PTPRB: variants seen among roughly 807,000 people sequenced by gnomAD.
PTPRB encodes protein tyrosine phosphatase receptor type B.
Under a neutral mutation model 238.1 loss-of-function variants are expected in PTPRB, and 97 were observed. The observed-to-expected ratio is 0.41, with a 90% CI of 0.35 to 0.48. PTPRB has a LOEUF of 0.48. Ranked by LOEUF, PTPRB falls within the 20% of genes least tolerant of loss-of-function variation. PTPRB has a pLI of 0.30. For synonymous variants in PTPRB, 970 were observed against 995.4 expected (o/e 0.97, Z 0.48); for missense variants, 2,292 against 2,681.9 (o/e 0.85, Z 3.21).
intron 15 of PTPRB, among the ~76,000 whole-genome samples, chr12:70,563,443 C>G (rs1314528772): frequency 6.6e-6 from 1 of 152,182 alleles, no homozygotes; most frequent in Non-Finnish European, 1.5e-5. Flanking sequence ...CCTGAGTTCT[C>G]TTTCCTCCAC....
intron 4 of PTPRB, among the ~76,000 whole-genome samples, chr12:70,597,966 C>A (rs1235986995): frequency 6.6e-6 from 1 of 152,126 alleles, no homozygotes; most frequent in Non-Finnish European, 1.5e-5. Context: ...ATTATATATG[C>A]CACATTTATA....
chr12:70,587,605 G>C (rs1422641931), intron 8 of PTPRB, among the ~76,000 whole-genome samples: 1 of 152,128 alleles, frequency 6.6e-6, no homozygotes, highest in Non-Finnish European at 1.5e-5. Flanking sequence ...TCCTGTTTAA[G>C]TATTTAGGTG....
At position 70,622,372 on chromosome 12, in the gene PTPRB, C is replaced by A. The variant is rs890674820; in HGVS notation, c.708+18G>T. ...TGAGACGTGCACAGACCACACTCCA[C>A]ACACCCCCTCCTTTTACCTCTTCAG... On this transcript the variant is annotated intron_variant, in intron 3 of 33. Transcript: ENST00000334414. 1 of 1,610,318 alleles carries A rather than the reference C, an allele frequency of 6.2e-7. No individual in the cohort carries two copies.
chr12:70,524,696 T>C (rs1281235104), intron 32 of PTPRB, 105 bp from the exon 33 acceptor site: 6 of 1,199,698 alleles, frequency 5.0e-6, no homozygotes, highest in Non-Finnish European at 5.6e-6. Flanking sequence ...AGTTAGCAAA[T>C]TTCTTGAACA....
At chr12:70,602,596 A>AGACT (rs1883603716) in intron 4 of PTPRB, among the ~76,000 whole-genome samples, 1 of 152,232 alleles carries the variant, frequency 6.6e-6, no homozygotes, top group African/African-American at 2.4e-5. Context: ...TCAGAGATGT[A>AGACT]GACTGAAATA....
In PTPRB at chr12:70,594,579, T is replaced by G. The variant is rs758122259; in HGVS notation, c.1404A>C (p.Lys468Asn). ...CGTGAAAAGCATAGGAAGTAGCATG[T>G]TTGTCCACAACACCGCCATGAACTA... ...GILVHGGVVDKHATSYAFHGL... is the reference protein window; with the variant it reads ...GILVHGGVVDNHATSYAFHGL... The change falls in exon 6 of 34, where the codon AAA becomes AAC. Residue 468 changes from lysine to asparagine, a missense_variant. Lys to Asn is a moderately conservative substitution (Grantham distance 94). Coordinates refer to ENST00000334414, the MANE Select transcript of PTPRB (RefSeq NM_001109754.4). 28 of 1,613,872 alleles carry G rather than the reference T, an allele frequency of 1.7e-5. No homozygotes were observed. The South Asian group carries it at 2.7e-4, about 16-fold the overall frequency.
Position 70,626,351 on chromosome 12 carries a change from CTAT to C in PTPRB, c.452-3708_452-3706del, listed in dbSNP as rs1279623782. On this transcript the variant is annotated intron_variant, in intron 2 of 33. Transcript: ENST00000334414. ...TCTATCTATCTATCTATCTATCTAT[CTAT>C]CTATCTATCTATATTCCTGCCTGCC... Among the ~76,000 whole-genome samples, 8 of 139,280 alleles carry C rather than the reference CTAT, an allele frequency of 5.7e-5. No homozygotes were observed. The South Asian group carries it at 8.8e-4, about 15-fold the overall frequency. The allele number at this position is 139,280 out of a possible 152,430, so 91.4% of individuals were successfully genotyped here.
chr12:70,566,686 C>G lies in PTPRB; in HGVS notation c.3653G>C (p.Gly1218Ala), dbSNP rs200479826. ...VGRTVPASVQ[G>A]VIADNAYSSY... Reference sequence around the variant, plus strand: ...GCTGTATGCATTGTCTGCAATTACTCCTTGGACAGATGCTGGAACTGCAGA... The same window carrying G: ...GCTGTATGCATTGTCTGCAATTACTGCTTGGACAGATGCTGGAACTGCAGA... The change falls in exon 15 of 34, where the codon GGA becomes GCA. Residue 1218 changes from glycine to alanine, a missense_variant. This residue lies in a region of PTPRB where 683 missense variants were observed against 862.0 expected (regional missense o/e 0.79). Transcript: ENST00000334414. 6.2e-7 allele frequency: 1 copy of G among 1,613,370 alleles called. No homozygotes were observed. The highest frequency in any genetic ancestry group is 1.7e-5 in the Admixed American group (1 of 60,020).
chr12:70,564,030 C>G (rs74101691), intron 15 of PTPRB, among the ~76,000 whole-genome samples: 5,997 of 152,282 alleles, frequency 0.039, 358 homozygotes, highest in African/African-American at 0.13. Flanking sequence ...CTCGCTCACT[C>G]TGTTCCAGCC....
At chr12:70,545,534 T>C (rs1235521171) in intron 21 of PTPRB, among the ~76,000 whole-genome samples, 1 of 152,050 alleles carries the variant, frequency 6.6e-6, no homozygotes, top group Non-Finnish European at 1.5e-5. Context: ...ATCAGGCAAA[T>C]AGCAAAATAA....
intron 4 of PTPRB, among the ~76,000 whole-genome samples, chr12:70,608,542 C>T (rs1884153174): frequency 6.6e-6 from 1 of 152,142 alleles, no homozygotes; most frequent in African/African-American, 2.4e-5. Context: ...TGGGTTATTA[C>T]TCAAGAGATA....
Position 70,524,496 on chromosome 12 carries a change from T to G in PTPRB, c.6600A>C (p.Glu2200Asp). Residue 2200 changes from glutamate to aspartate, a missense_variant, in exon 33 of 34, where the codon GAA (glutamate) becomes GAC (aspartate). Physicochemically the swap from Glu to Asp is conservative, Grantham distance 45. Coordinates refer to ENST00000334414, the MANE Select transcript of PTPRB (RefSeq NM_001109754.4). ...CTCTGTGATACTCTGGATTCACATT[T>G]TCATAGATTGGAAACAAGGGGTTTT... The part of the protein sequence containing the change: ...EQENPLFPIY[E>D]NVNPEYHRDP... 2 of 1,612,658 alleles carry G rather than the reference T, an allele frequency of 1.2e-6. No homozygotes were observed. The highest frequency in any genetic ancestry group is 1.7e-6 in the Non-Finnish European group (2 of 1,179,290).
intron 27 of PTPRB, chr12:70,538,710 A>C: frequency 5.2e-6 from 3 of 577,884 alleles, no homozygotes; most frequent in Non-Finnish European, 9.2e-6. Flanking sequence ...TGTCAACAGC[A>C]TAAGAGGACT....
Position 70,539,908 on chromosome 12 carries a change from C to T in PTPRB, c.5678+31G>A, listed in dbSNP as rs774899558. On this transcript the variant is annotated intron_variant, in intron 24 of 33. Coordinates refer to ENST00000334414, the MANE Select transcript of PTPRB (RefSeq NM_001109754.4). ...AATTTCACATAATACCATCTTTCAA[C>T]AAATTATACGAAGGCAAATGTGGTG... 7.6e-6 allele frequency: 12 copies of T among 1,587,986 alleles called. No homozygotes were observed. In the South Asian group the frequency reaches 1.2e-4, roughly 16 times the overall value.
chr12:70,620,598 G>T (rs1411388522), intron 3 of PTPRB, among the ~76,000 whole-genome samples: 1 of 151,938 alleles, frequency 6.6e-6, no homozygotes, highest in Non-Finnish European at 1.5e-5. Context: ...GGAAGTTTTG[G>T]CTAGGCACAT....
chr12:70,534,429 A>C, intron 31 of PTPRB, 59 bp downstream of exon 31: 1 of 1,553,664 alleles, frequency 6.4e-7, no homozygotes, highest in South Asian at 1.2e-5. Context: ...ATTTTTCCAG[A>C]CTCCCAGGCA....
At chr12:70,522,343 CCAGCCCCAGTCAAACCTTCAGATAATGG>C (rs1223570553) in intron 33 of PTPRB, among the ~76,000 whole-genome samples, 1 of 152,216 alleles carries the variant, frequency 6.6e-6, no homozygotes, top group African/African-American at 2.4e-5. Flanking sequence ...AGCGAGTCCT[CCAGCCCCAGTCAAACCTTCAGATAATGG>C]CAGCCCCAGT....
intron 3 of PTPRB, among the ~76,000 whole-genome samples, chr12:70,611,648 A>G (rs1256798960): frequency 6.6e-6 from 1 of 152,056 alleles, no homozygotes; most frequent in Non-Finnish European, 1.5e-5. Context: ...CTCTTAATGA[A>G]AAAACGAAGT....
intron 32 of PTPRB, 111 bp downstream of exon 32, chr12:70,531,924 T>A: frequency 1.6e-6 from 2 of 1,261,842 alleles, no homozygotes; most frequent in South Asian, 1.3e-5. Flanking sequence ...TTTTTTCTCT[T>A]CCTAATGTGT....
Sources: allele counts gnomAD v4.1 joint callset (sites outside exome capture counted in the v4.1 genomes callset), GRCh38; gene constraint gnomAD v4.1.1; regional missense constraint gnomAD v4.1.1; transcripts MANE v1.5; gene names NCBI Gene and HGNC (gene_info 2026-07-23, HGNC 2026-07-21).